The following MICALL1 variants were observed in gnomAD, a reference collection of about 807,000 sequenced individuals.
MICALL1 encodes MICAL-like protein 1.
Under a neutral mutation model 83.7 loss-of-function variants are expected in MICALL1, and 61 were observed. The ratio of observed to expected loss-of-function variants is 0.73; its 90% CI spans 0.59 to 0.90. The LOEUF (loss-of-function observed/expected upper bound fraction) is 0.90. Among genes scored for constraint, MICALL1 ranks in the 40% least tolerant of loss-of-function variants. The probability of loss-of-function intolerance (pLI) is 0.00; values close to 1 mark genes in which losing one functional copy is unlikely to be tolerated. For missense variants in MICALL1, 1,066 were observed against 1,152.0 expected (o/e 0.93, Z 1.08); for synonymous variants, 481 against 473.6 (o/e 1.02, Z -0.20).
intron 5 of MICALL1, among the ~76,000 whole-genome samples, chr22:37,919,462 C>T (rs4821724): frequency 0.36 from 55,131 of 151,838 alleles, 10,441 homozygotes; most frequent in Non-Finnish European, 0.41. Context: ...TTAAAAGCCA[C>T]GTGTACTTTA....
intron 5 of MICALL1, among the ~76,000 whole-genome samples, chr22:37,921,176 G>A (rs936254591): frequency 6.6e-6 from 1 of 152,200 alleles, no homozygotes; most frequent in Non-Finnish European, 1.5e-5. Context: ...AAATAAAACT[G>A]TGTAAGTAGA....
Position 37,937,134 on chromosome 22 carries a change from T to C in MICALL1, c.2363T>C (p.Leu788Pro). 6.4e-7 allele frequency: 1 copy of C among 1,551,624 alleles called. No individual in the cohort carries two copies. Among genetic ancestry groups the C allele is most frequent in the South Asian group, 1.2e-5 (1 of 84,058 alleles). ...CGGGAGAAGGTGCTGATGCAGGAGCTTGTGACCCTCATTGAGCAGCGCAAC... is the reference window on the plus strand; with the variant it reads ...CGGGAGAAGGTGCTGATGCAGGAGCCTGTGACCCTCATTGAGCAGCGCAAC... ...RAREKVLMQE[L>P]VTLIEQRNAI... The change falls in exon 14 of 16, where the codon CTT becomes CCT. Residue 788 changes from leucine to proline, a missense_variant. Coordinates refer to ENST00000215957, the MANE Select transcript of MICALL1 (RefSeq NM_033386.4).
Position 37,919,179 on chromosome 22 carries a change from G to A in MICALL1, c.569+1G>A. On this transcript the variant is annotated splice_donor_variant, in intron 5 of 15. Transcript: ENST00000215957. LOFTEE classifies it high-confidence loss of function. ...GGCTGTACCATCGCCACTGCTTCCG[G>A]TGAGTGGCCAGGGCCGCGTGTTACC... 4 of 1,530,820 alleles carry A rather than the reference G, an allele frequency of 2.6e-6. No homozygotes were observed. Among genetic ancestry groups the A allele is most frequent in the Non-Finnish European group, 3.5e-6 (4 of 1,133,126 alleles). 94.8% of individuals were successfully genotyped at this position (1,530,820 alleles called of 1,614,324 possible).
At chr22:37,940,222 G>A (rs1207566889) in intron 15 of MICALL1, among the ~76,000 whole-genome samples, 2 of 152,016 alleles carry the variant, frequency 1.3e-5, no homozygotes, top group Non-Finnish European at 2.9e-5. Flanking sequence ...TCAGGAGATC[G>A]AGAGCATTCT....
At position 37,912,336 on chromosome 22, in the gene MICALL1, C is replaced by T. The variant is rs746624586; in HGVS notation, c.196-15C>T. The T allele has an allele frequency of 1.3e-6, 2 of 1,599,366 alleles. No homozygotes were observed. Reference sequence around the variant, plus strand: ...GCTTCGGCTGCTCCCGCCCTTGTACCTGTCACCACCCCAGGCCTTTGAAGT... The same window carrying T: ...GCTTCGGCTGCTCCCGCCCTTGTACTTGTCACCACCCCAGGCCTTTGAAGT... On this transcript the variant is annotated splice_polypyrimidine_tract_variant and intron_variant, in intron 2 of 15. Coordinates refer to ENST00000215957, the MANE Select transcript of MICALL1 (RefSeq NM_033386.4).
Position 37,932,163 on chromosome 22 carries a change from T to G in MICALL1, c.2016+230T>G, listed in dbSNP as rs1929824477. ...AAAGCAGTGGGTGGTGCATTTAATT[T>G]GTTACTAACAAGTTCAAGTATCAAG... On this transcript the variant is annotated intron_variant, in intron 10 of 15. Transcript: ENST00000215957. The surrounding 1 kb of genome is among the most constrained non-coding windows in gnomAD (Gnocchi z 4.4). Among the ~76,000 whole-genome samples, 1 of 152,256 alleles carries G rather than the reference T, an allele frequency of 6.6e-6. No homozygotes were observed. Among genetic ancestry groups the G allele is most frequent in the Non-Finnish European group, 1.5e-5 (1 of 68,042 alleles).
intron 14 of MICALL1, among the ~76,000 whole-genome samples, chr22:37,937,418 C>CTTTTTTTTT (rs34844677): frequency 1.8e-5 from 2 of 113,404 alleles, no homozygotes; most frequent in Non-Finnish European, 3.6e-5. Context: ...GCTGCCGCTG[C>CTTTTTTTTT]TTTTTTTTTT....
At chr22:37,914,552 A>G (rs1213373738) in intron 3 of MICALL1, among the ~76,000 whole-genome samples, 4 of 151,164 alleles carry the variant, frequency 2.6e-5, no homozygotes. Flanking sequence ...ATATATATAT[A>G]TGTATATATA....
intron 1 of MICALL1, among the ~76,000 whole-genome samples, 170 bp from the exon 2 acceptor site, chr22:37,911,782 G>A (rs951436479): frequency 1.3e-5 from 2 of 152,076 alleles, no homozygotes; most frequent in African/African-American, 4.8e-5. Flanking sequence ...AATGTTTGCT[G>A]CCTCAGTTTC....
intron 13 of MICALL1, among the ~76,000 whole-genome samples, chr22:37,933,600 A>T (rs998872462): frequency 2.0e-5 from 3 of 152,084 alleles, no homozygotes; most frequent in African/African-American, 7.2e-5. Flanking sequence ...GTACCCTCTG[A>T]AGGGCTGATG....
In MICALL1 at chr22:37,919,340, G is replaced by A. The variant is rs946100396; in HGVS notation, c.569+162G>A. Among the ~76,000 whole-genome samples the A allele has an allele frequency of 2.6e-5, 4 of 152,232 alleles. No homozygotes were observed. The East Asian group carries it at 5.8e-4, about 22-fold the overall frequency. On this transcript the variant is annotated intron_variant, in intron 5 of 15. Coordinates refer to ENST00000215957, the MANE Select transcript of MICALL1 (RefSeq NM_033386.4). ...AAACCAAGGCTTAGTGAGGGGAAAA[G>A]CAGTTGCTCAGCCACATGATTCGAG...
chr22:37,937,065 T>C lies in MICALL1; in HGVS notation c.2309-15T>C, dbSNP rs1601837647. ...TTCCTACCACTCATGCCCCCTAACTTTTCTCCCTGGGCAGAAAAGGACTGG... is the reference window on the plus strand; with the variant it reads ...TTCCTACCACTCATGCCCCCTAACTCTTCTCCCTGGGCAGAAAAGGACTGG... On this transcript the variant is annotated splice_polypyrimidine_tract_variant and intron_variant, in intron 13 of 15. Coordinates refer to ENST00000215957, the MANE Select transcript of MICALL1 (RefSeq NM_033386.4). 6.4e-7 allele frequency: 1 copy of C among 1,550,622 alleles called. No individual in the cohort carries two copies. Among genetic ancestry groups the C allele is most frequent in the African/African-American group, 1.4e-5 (1 of 72,948 alleles).
chr22:37,910,450 G>A (rs1928245428), intron 1 of MICALL1, among the ~76,000 whole-genome samples: 1 of 152,082 alleles, frequency 6.6e-6, no homozygotes, highest in Admixed American at 6.5e-5. Context: ...TCCTCGCCCT[G>A]TTGCAGTGTC....
At position 37,932,927 on chromosome 22, in the gene MICALL1, G is replaced by T; in HGVS notation, c.2234+39G>T. 6.2e-7 allele frequency: 1 copy of T among 1,613,086 alleles called. No homozygotes were observed. Among genetic ancestry groups the T allele is most frequent in the East Asian group, 2.2e-5 (1 of 44,850 alleles). ...CCTGGGGCATCCCTCCCTGGAATCC[G>T]TAGAGCTTAGAATGGAGAACCCTTA... On this transcript the variant is annotated intron_variant, in intron 12 of 15. Coordinates refer to ENST00000215957, the MANE Select transcript of MICALL1 (RefSeq NM_033386.4). The surrounding 1 kb of genome is among the most constrained non-coding windows in gnomAD (Gnocchi z 4.4).
intron 13 of MICALL1, among the ~76,000 whole-genome samples, chr22:37,936,321 C>T (rs1480027744): frequency 6.6e-6 from 1 of 152,204 alleles, no homozygotes; most frequent in East Asian, 1.9e-4. Context: ...CAGTATGTCA[C>T]TTGGGTTGTG....
At position 37,917,752 on chromosome 22, in the gene MICALL1, C is replaced by T. The variant is rs1307082611; in HGVS notation, c.383C>T (p.Pro128Leu). 3.1e-6 allele frequency: 5 copies of T among 1,613,932 alleles called. No homozygotes were observed. The highest frequency in any genetic ancestry group is 3.3e-5 in the Admixed American group (2 of 60,010). The change falls in exon 4 of 16, where the codon CCG becomes CTG. Residue 128 changes from proline to leucine, a missense_variant. Coordinates refer to ENST00000215957, the MANE Select transcript of MICALL1 (RefSeq NM_033386.4). ...PRKGLAPCSP[P>L]SVAPTPVEPE... Reference sequence around the variant, plus strand: ...AAGGGCCTTGCACCCTGTTCCCCGCCGTCTGTAGCACCCACTCCAGTGGAA... The same window carrying T: ...AAGGGCCTTGCACCCTGTTCCCCGCTGTCTGTAGCACCCACTCCAGTGGAA...
Position 37,937,317 on chromosome 22 carries a change from C to T in MICALL1, c.2423+123C>T, listed in dbSNP as rs1930185765. 4 of 758,068 alleles carry T rather than the reference C, an allele frequency of 5.3e-6. No homozygotes were observed. In the South Asian group the frequency reaches 5.7e-5, roughly 11 times the overall value. 47.0% of individuals were successfully genotyped at this position (758,068 alleles called of 1,614,324 possible). On this transcript the variant is annotated intron_variant, in intron 14 of 15. Transcript: ENST00000215957. ...CAGTCCACGCCTCAGGCCAGGCCAG[C>T]CCTGCCCTCCTACCAGCGATCCCAG...
intron 3 of MICALL1, among the ~76,000 whole-genome samples, chr22:37,915,498 G>T (rs1381075334): frequency 1.3e-5 from 2 of 152,042 alleles, no homozygotes; most frequent in East Asian, 3.9e-4. Context: ...TTCCTCTTTG[G>T]GTGACCATGG....
Position 37,931,904 on chromosome 22 carries a change from G to A in MICALL1, c.1987G>A (p.Gly663Arg). The part of the protein sequence containing the change: ...GSKPVRPPAP[G>R]HGFPLIKRKV... ...CAAGCCAGTGAGGCCACCTGCCCCT[G>A]GACACGGCTTTCCACTCATCAAACG... The change falls in exon 10 of 16, where the codon GGA (glycine) becomes AGA (arginine). Residue 663 changes from glycine (G) to arginine (R), a missense_variant. Physicochemically the swap from Gly to Arg is moderately radical, Grantham distance 125. Coordinates refer to ENST00000215957, the MANE Select transcript of MICALL1 (RefSeq NM_033386.4). 6.2e-7 allele frequency: 1 copy of A among 1,614,084 alleles called. No individual in the cohort carries two copies. Among genetic ancestry groups the A allele is most frequent in the Non-Finnish European group, 8.5e-7 (1 of 1,179,996 alleles).
Sources: gnomAD v4.1 joint callset for allele counts (sites outside exome capture counted in the v4.1 genomes callset) on GRCh38, gnomAD v4.1.1 for gene constraint, Gnocchi (gnomAD v3.1) non-coding constraint, MANE v1.5 for transcripts, NCBI Gene and HGNC (gene_info 2026-07-23, HGNC 2026-07-21) for gene names.